The following BCAS3 variants were observed in gnomAD, a reference collection of about 807,000 sequenced individuals.
The protein encoded by BCAS3 is BCAS4/BCAS3 fusion.
BCAS3 carries 53 observed loss-of-function variants against 116.1 expected under a neutral mutation model. The ratio of observed to expected loss-of-function variants is 0.46; its 90% confidence interval spans 0.37 to 0.57. The LOEUF (loss-of-function observed/expected upper bound fraction) is 0.57. Ranked by LOEUF, BCAS3 falls within the 20% of genes least tolerant of loss-of-function variation. The pLI, the probability that BCAS3 is intolerant of heterozygous loss-of-function variation, is 0.00. For missense variants in BCAS3, 917 were observed against 1,165.4 expected, an observed-to-expected ratio of 0.79 and a Z score of 3.10; for synonymous variants, 391 against 408.2, an observed-to-expected ratio of 0.96 and a Z score of 0.51.
intron 22 of BCAS3, among the ~76,000 whole-genome samples, chr17:61,357,448 ATT>A (rs922368627): frequency 6.9e-6 from 1 of 143,972 alleles, no homozygotes. Context: ...AAAAATTTTT[ATT>A]TTTTTTTTTT....
At chr17:60,700,185 A>AAAAAAAAAAAAAAG (rs1319555739) in intron 4 of BCAS3, among the ~76,000 whole-genome samples, 9 of 147,058 alleles carry the variant, frequency 6.1e-5, no homozygotes, top group African/African-American at 2.4e-4. Flanking sequence ...AAAAAAAAAA[A>AAAAAAAAAAAAAAG]GAAGCAGTTC....
rs971621057 is a variant in BCAS3 at position 60,994,779 on chromosome 17, T to C, written c.1486+4544T>C. Among the ~76,000 whole-genome samples the C allele has an allele frequency of 6.6e-6, 1 of 152,352 alleles. No individual in the cohort carries two copies. Among genetic ancestry groups the C allele is most frequent in the Middle Eastern group, 3.4e-3 (1 of 294 alleles). ...AATGCCTACTAAGCAAGCTAAAATA[T>C]TACTGCCTCTCTTAAGCCTTCTTTT... On this transcript the variant is annotated intron_variant, in intron 15 of 23. Transcript: ENST00000407086. This position sits in a 1 kb window ranked among gnomAD's most constrained non-coding sequence, Gnocchi z 4.4.
In BCAS3 at chr17:61,046,082, T is replaced by A. The variant is rs12600649; in HGVS notation, c.2029+5190T>A. ...TTATATATATATAATATATATATATTTATATATATATATAATATATATATA... is the reference window on the plus strand; with the variant it reads ...TTATATATATATAATATATATATATATATATATATATATAATATATATATA... On this transcript the variant is annotated intron_variant, in intron 19 of 23. Coordinates refer to ENST00000407086, the MANE Select transcript of BCAS3 (RefSeq NM_017679.5). Among the ~76,000 whole-genome samples the A allele has an allele frequency of 6.4e-4, 21 of 32,950 alleles. 2 individuals carry two copies. Among genetic ancestry groups the A allele is most frequent in the African/African-American group, 5.5e-3 (18 of 3,292 alleles). 21.6% of individuals were successfully genotyped at this position (32,950 alleles called of 152,430 possible). A position where few individuals can be genotyped will look rare whatever the true frequency, so the allele number is the denominator to read the frequency against.
rs922885572 is a variant in BCAS3 at position 60,922,134 on chromosome 17, C to CT, written c.994-2263dup. Among the ~76,000 whole-genome samples, 501 of 148,766 alleles carry CT rather than the reference C, an allele frequency of 3.4e-3. 5 individuals are homozygous for CT. Among genetic ancestry groups the CT allele is most frequent in the South Asian group, 8.0e-3 (38 of 4,724 alleles). ...AAAATTGAAAGAAGAAATTTTAGCT[C>CT]TTTTTTTTTTGAGACAGAGTCTTGC... On this transcript the variant is annotated intron_variant, in intron 12 of 23. Coordinates refer to ENST00000407086, the MANE Select transcript of BCAS3 (RefSeq NM_017679.5).
chr17:61,320,933 T>G (rs1021143404), intron 22 of BCAS3, among the ~76,000 whole-genome samples: 5 of 152,234 alleles, frequency 3.3e-5, no homozygotes, highest in Admixed American at 3.3e-4. Context: ...GGCTTTCATA[T>G]ACATTATCTC....
At chr17:60,807,781 CAA>C (rs75176396) in intron 6 of BCAS3, among the ~76,000 whole-genome samples, 8 of 64,406 alleles carry the variant, frequency 1.2e-4, no homozygotes, top group Admixed American at 3.5e-4. Context: ...GACTCTGTCT[CAA>C]AAAAAAAAAA....
At chr17:60,732,431 T>G (rs893692511) in intron 5 of BCAS3, among the ~76,000 whole-genome samples, 2 of 152,162 alleles carry the variant, frequency 1.3e-5, no homozygotes, top group African/African-American at 4.8e-5. Context: ...TGATCTTGGA[T>G]GAGATTATGA....
chr17:61,266,412 G>A (rs1430957393), intron 22 of BCAS3, among the ~76,000 whole-genome samples: 10 of 152,180 alleles, frequency 6.6e-5, no homozygotes, highest in Non-Finnish European at 1.5e-4. Flanking sequence ...CTTCTCACAA[G>A]AAAATTCATC....
At chr17:61,273,897 G>A (rs931870192) in intron 22 of BCAS3, among the ~76,000 whole-genome samples, 8 of 145,730 alleles carry the variant, frequency 5.5e-5, no homozygotes, top group African/African-American at 1.3e-4. Context: ...TATATCTCCC[G>A]TTTCCTATCT....
chr17:60,780,289 A>AT (rs76897536), intron 6 of BCAS3, among the ~76,000 whole-genome samples: 7,202 of 127,260 alleles, frequency 0.057, 502 homozygotes, highest in African/African-American at 0.16. Flanking sequence ...TGCCCTGCCT[A>AT]TTTTTTTTTT....
intron 22 of BCAS3, among the ~76,000 whole-genome samples, chr17:61,287,837 C>A (rs1221652811): frequency 6.6e-6 from 1 of 152,208 alleles, no homozygotes; most frequent in Non-Finnish European, 1.5e-5. Flanking sequence ...CACATTTGTT[C>A]AGTACATACT....
At chr17:60,893,359 C>T (rs2057304162) in intron 10 of BCAS3, among the ~76,000 whole-genome samples, 1 of 151,904 alleles carries the variant, frequency 6.6e-6, no homozygotes, top group Non-Finnish European at 1.5e-5. Context: ...TCTAGGATTT[C>T]TATAGTTTCA....
At chr17:61,040,930 C>A in intron 19 of BCAS3, 38 bp downstream of exon 19, 1 of 1,515,912 alleles carries the variant, frequency 6.6e-7, no homozygotes. Flanking sequence ...TTCGTATGGT[C>A]TATTCAGATT....
chr17:60,773,109 C>T (rs939917353), intron 6 of BCAS3, among the ~76,000 whole-genome samples: 1 of 152,128 alleles, frequency 6.6e-6, no homozygotes, highest in Non-Finnish European at 1.5e-5. Flanking sequence ...TAGCTTGCAT[C>T]TTTGCCACCA....
rs1188482542 is a variant in BCAS3, at chr17:61,095,431, C to T, written c.2425+10867C>T. On this transcript the variant is annotated intron_variant, in intron 22 of 23. Transcript: ENST00000407086. This position sits in a 1 kb window ranked among gnomAD's most constrained non-coding sequence, Gnocchi z 4.7. ...TGTTGATAGATATAGTACATATAAA[C>T]CAAAGATCTTTGGGGTCCTGGGTTT... 6.6e-6 allele frequency among the ~76,000 whole-genome samples: 1 copy of T among 151,990 alleles called. No homozygotes were observed. The highest frequency in any genetic ancestry group is 1.5e-5 in the Non-Finnish European group (1 of 68,000).
intron 6 of BCAS3, among the ~76,000 whole-genome samples, chr17:60,757,331 TA>T (rs375306134): frequency 4.5e-5 from 1 of 22,300 alleles, no homozygotes; most frequent in Non-Finnish European, 8.0e-4. Context: ...ATAATAATAA[TA>T]AATAAATAAA....
intron 22 of BCAS3, among the ~76,000 whole-genome samples, chr17:61,121,548 T>C (rs1256599354): frequency 2.0e-5 from 3 of 152,148 alleles, no homozygotes; most frequent in Non-Finnish European, 4.4e-5. Flanking sequence ...AATTATGCAG[T>C]TGTGGATTTA....
At chr17:60,948,583 T>A (rs1392527658) in intron 14 of BCAS3, among the ~76,000 whole-genome samples, 1 of 152,190 alleles carries the variant, frequency 6.6e-6, no homozygotes, top group Non-Finnish European at 1.5e-5. Context: ...CCTACTCTAT[T>A]TATTGACTAG....
intron 22 of BCAS3, among the ~76,000 whole-genome samples, chr17:61,086,401 A>G (rs1469499077): frequency 3.3e-5 from 5 of 152,246 alleles, no homozygotes; most frequent in Non-Finnish European, 5.9e-5. Context: ...CCAACATTCC[A>G]TATTTATCAT....
Sources: gnomAD v4.1 joint callset for allele counts (sites outside exome capture counted in the v4.1 genomes callset) on GRCh38, gnomAD v4.1.1 for gene constraint, Gnocchi (gnomAD v3.1) non-coding constraint, MANE v1.5 for transcripts, NCBI Gene and HGNC (gene_info 2026-07-23, HGNC 2026-07-21) for gene names.